CREB3L2: variants seen among roughly 807,000 people sequenced by gnomAD.
CREB3L2 encodes the protein cyclic AMP-responsive element-binding protein 3-like protein 2.
A neutral mutation model predicts 57.2 loss-of-function variants in CREB3L2; 23 were observed. The observed-to-expected ratio is 0.40, with a 90% CI of 0.29 to 0.57. The LOEUF (loss-of-function observed/expected upper bound fraction) is 0.57, where lower values mean the gene tolerates loss of function less well. CREB3L2 is among the 20% of genes least tolerant of loss of function. CREB3L2 has a pLI of 0.42. For synonymous variants in CREB3L2, 268 were observed against 265.1 expected (o/e 1.01, Z -0.11); for missense variants, 628 against 634.7 (o/e 0.99, Z 0.11).
chr7:137,912,810 G>C (rs566878941), intron 4 of CREB3L2, 181 bp downstream of exon 4: 16 of 1,500,322 alleles, frequency 1.1e-5, no homozygotes, highest in Non-Finnish European at 1.4e-5. Context: ...GAAAATAATA[G>C]TTAGCTTGCA....
chr7:137,929,793 T>C (rs1355050730), intron 1 of CREB3L2, among the ~76,000 whole-genome samples: 4 of 149,902 alleles, frequency 2.7e-5, no homozygotes, highest in Admixed American at 2.7e-4. Flanking sequence ...CGCTTGAACC[T>C]AGGAGGCAGA....
chr7:137,973,797 T>C (rs1801558385), intron 1 of CREB3L2, among the ~76,000 whole-genome samples: 1 of 152,214 alleles, frequency 6.6e-6, no homozygotes, highest in Admixed American at 6.5e-5. Context: ...GGCTCCCCCA[T>C]TCATATTCAC....
intron 1 of CREB3L2, among the ~76,000 whole-genome samples, chr7:137,969,742 T>C (rs1197643362): frequency 7.0e-6 from 1 of 142,992 alleles, no homozygotes; most frequent in Non-Finnish European, 1.5e-5. Flanking sequence ...ATGTCTCAAC[T>C]AACTTTCAAG....
At chr7:137,996,391 T>C (rs1015078686) in intron 1 of CREB3L2, among the ~76,000 whole-genome samples, 2 of 152,254 alleles carry the variant, frequency 1.3e-5, no homozygotes, top group Non-Finnish European at 2.9e-5. Context: ...GGAAAAATTA[T>C]ACTTACTTCC....
At chr7:137,912,319 G>A (rs1162287053) in intron 4 of CREB3L2, among the ~76,000 whole-genome samples, 1 of 151,414 alleles carries the variant, frequency 6.6e-6, no homozygotes, top group African/African-American at 2.4e-5. Flanking sequence ...AGAGGTTGCA[G>A]TGAGCCGAGA....
In CREB3L2 at chr7:137,875,370, G is replaced by A. The variant is rs764357067; in HGVS notation, c.*5106C>T. 1.4e-5 allele frequency: 3 copies of A among 219,086 alleles called. No homozygotes were observed. Among genetic ancestry groups the A allele is most frequent in the Admixed American group, 1.2e-4 (2 of 17,244 alleles). 13.6% of individuals were successfully genotyped at this position (219,086 alleles called of 1,614,324 possible). On this transcript the variant is annotated 3_prime_UTR_variant, in exon 12 of 12. Transcript: ENST00000330387. ...CTCATAAACTGTTTTATCTGAAAAG[G>A]TGATTTTCTAAGTAGTGTAAGCCAT...
At chr7:137,965,861 T>C (rs1801398945) in intron 1 of CREB3L2, among the ~76,000 whole-genome samples, 1 of 152,218 alleles carries the variant, frequency 6.6e-6, no homozygotes, top group Admixed American at 6.5e-5. Flanking sequence ...TCTAGCCTCC[T>C]CCTCTAGGGC....
intron 1 of CREB3L2, among the ~76,000 whole-genome samples, chr7:137,965,884 A>C (rs2117292544): frequency 6.6e-6 from 1 of 152,328 alleles, no homozygotes; most frequent in South Asian, 2.1e-4. Flanking sequence ...GAATGCTTAA[A>C]CCTGAGGGTG....
At chr7:137,959,215 G>C (rs1801274848) in intron 1 of CREB3L2, among the ~76,000 whole-genome samples, 1 of 152,144 alleles carries the variant, frequency 6.6e-6, no homozygotes, top group South Asian at 2.1e-4. Context: ...AGTTGCTTTG[G>C]CCAACACAAT....
Position 137,971,173 on chromosome 7 carries a change from A to G in CREB3L2, c.102+30431T>C, listed in dbSNP as rs984926588. ...TATGTTTAAAAAAAAAACTGGGGCC[A>G]GGCGTGGTGGCTCACGCCTGTAATC... On this transcript the variant is annotated intron_variant, in intron 1 of 11. Transcript: ENST00000330387. Among the ~76,000 whole-genome samples, 4 of 152,236 alleles carry G rather than the reference A, an allele frequency of 2.6e-5. No homozygotes were observed. In the East Asian group the frequency reaches 7.7e-4, roughly 29 times the overall value.
At chr7:137,955,190 C>A in intron 1 of CREB3L2, 1 of 871,802 alleles carries the variant, frequency 1.1e-6, no homozygotes, top group Admixed American at 2.3e-5. Context: ...ATTAGAAACC[C>A]CCTGAAATCC....
chr7:137,989,697 G>A (rs184255016), intron 1 of CREB3L2, among the ~76,000 whole-genome samples: 86 of 151,982 alleles, frequency 5.7e-4, no homozygotes, highest in African/African-American at 1.8e-3. Flanking sequence ...TTTACGTGTC[G>A]CTCCTGTGAA....
chr7:137,900,706 A>C (rs1799734090), intron 8 of CREB3L2, among the ~76,000 whole-genome samples: 1 of 151,826 alleles, frequency 6.6e-6, no homozygotes, highest in African/African-American at 2.4e-5. Context: ...CAGGAGGCTG[A>C]GGCAGGAGAA....
At chr7:137,921,497 A>C (rs1363324453) in intron 2 of CREB3L2, among the ~76,000 whole-genome samples, 1 of 152,248 alleles carries the variant, frequency 6.6e-6, no homozygotes, top group Non-Finnish European at 1.5e-5. Context: ...AAATCATCAA[A>C]GAGACTGAAA....
rs1403441723 is a variant in CREB3L2, at chr7:137,885,096, G to A, written c.1169C>T (p.Ala390Val). ...LMVVVLCFAVAFGSFFQGYGP... is the reference protein window; with the variant it reads ...LMVVVLCFAVVFGSFFQGYGP... The stretch of plus-strand genomic sequence containing the variant: ...GTAGCCTTGAAAGAAGCTGCCGAAT[G>A]CAACGGCAAAGCACAGCACCACAAC... Residue 390 changes from alanine to valine, a missense_variant, in exon 10 of 12, where the codon GCA (alanine) becomes GTA (valine). By Grantham distance (64) the Ala-to-Val change is moderately conservative. Around this residue, in one of 3 missense-constraint regions of CREB3L2, gnomAD observed 272 missense variants for 242.7 expected, o/e 1.12. Transcript: ENST00000330387. The A allele has an allele frequency of 1.2e-6, 2 of 1,614,174 alleles. No homozygotes were observed. Among genetic ancestry groups the A allele is most frequent in the South Asian group, 2.2e-5 (2 of 91,080 alleles).
chr7:137,992,574 A>C (rs570125549), intron 1 of CREB3L2, among the ~76,000 whole-genome samples: 16 of 152,352 alleles, frequency 1.1e-4, no homozygotes, highest in Non-Finnish European at 1.8e-4. Flanking sequence ...CAAACTCCAA[A>C]GATCTGCTTT....
intron 1 of CREB3L2, among the ~76,000 whole-genome samples, chr7:137,951,689 A>G (rs1801102621): frequency 6.6e-6 from 1 of 152,240 alleles, no homozygotes; most frequent in Non-Finnish European, 1.5e-5. Flanking sequence ...ACTGTAAGAA[A>G]CACACAAAAC....
chr7:137,880,512 A>G lies in CREB3L2; in HGVS notation c.1527T>C (p.Val509=). The G allele has an allele frequency of 1.2e-6, 2 of 1,613,976 alleles. No individual in the cohort carries two copies. Among genetic ancestry groups the G allele is most frequent in the Non-Finnish European group, 1.7e-6 (2 of 1,179,946 alleles). The change falls in exon 12 of 12, where the codon GTT becomes GTC. Residue 509 remains valine, a synonymous_variant. Transcript: ENST00000330387. This position sits in a 1 kb window ranked among gnomAD's most constrained non-coding sequence, Gnocchi z 4.0. ...TGTTCACTCTTCTGTCGAGTTCTAC[A>G]ACTTTTAGTGTTTCATTCCCCTCCA... The part of the protein sequence containing the change: ...AKLEGNETLK[V]VELDRRVNTT...
At chr7:137,919,692 C>T (rs10231564) in intron 2 of CREB3L2, among the ~76,000 whole-genome samples, 3,582 of 152,202 alleles carry the variant, frequency 0.024, 142 homozygotes, top group African/African-American at 0.082. Context: ...AAGGTTAAGT[C>T]AATTATGGTG....
Sources: gnomAD v4.1 joint callset for allele counts (sites outside exome capture counted in the v4.1 genomes callset) on GRCh38, gnomAD v4.1.1 for gene constraint, gnomAD v4.1.1 regional missense constraint, Gnocchi (gnomAD v3.1) non-coding constraint, MANE v1.5 for transcripts, NCBI Gene and HGNC (gene_info 2026-07-23, HGNC 2026-07-21) for gene names.